Variants in NT5C2 observed in about 807,000 individuals in gnomAD.
NT5C2 encodes the protein 5'-nucleotidase, cytosolic II.
A neutral mutation model predicts 76.1 loss-of-function variants in NT5C2; 58 were observed. The ratio of observed to expected loss-of-function variants is 0.76; its 90% CI spans 0.62 to 0.95. The LOEUF is 0.95. Ranked by LOEUF, NT5C2 falls within the 40% of genes least tolerant of loss-of-function variation. The probability of loss-of-function intolerance (pLI) is 0.00; values close to 1 mark genes in which losing one functional copy is unlikely to be tolerated. For missense variants in NT5C2, 478 were observed against 690.3 expected, an observed-to-expected ratio of 0.69 and a Z score of 3.45; for synonymous variants, 229 against 237.4, an observed-to-expected ratio of 0.96 and a Z score of 0.32.
chr10:103,160,291 A>T (rs1211694259), intron 3 of NT5C2, among the ~76,000 whole-genome samples: 2 of 152,206 alleles, frequency 1.3e-5, no homozygotes, highest in Admixed American at 6.5e-5. Context: ...TGTAAAACTA[A>T]CAGAAGAGAA....
At chr10:103,147,675 T>C (rs950935307) in intron 3 of NT5C2, among the ~76,000 whole-genome samples, 1 of 152,206 alleles carries the variant, frequency 6.6e-6, no homozygotes, top group Non-Finnish European at 1.5e-5. Context: ...CTTTATTGGA[T>C]TATAAACTTT....
chr10:103,089,943 G>A (rs2066265352), intron 18 of NT5C2, 35 bp from the exon 19 acceptor site: 2 of 1,541,240 alleles, frequency 1.3e-6, no homozygotes, highest in Non-Finnish European at 1.8e-6. Flanking sequence ...CAGAAAGCAG[G>A]CAGAGCAAAG....
intron 4 of NT5C2, among the ~76,000 whole-genome samples, chr10:103,129,769 C>T (rs1284542121): frequency 5.1e-5 from 5 of 98,666 alleles, no homozygotes; most frequent in East Asian, 3.4e-4. Context: ...GTCAGCCCCC[C>T]GCCCGGCCAG....
chr10:103,129,320 G>A (rs1206142928), intron 4 of NT5C2, among the ~76,000 whole-genome samples: 10 of 113,262 alleles, frequency 8.8e-5, no homozygotes, highest in Non-Finnish European at 1.2e-4. Flanking sequence ...CCCCCCGCCC[G>A]GCCAGCCGCC....
Position 103,185,649 on chromosome 10 carries a change from CAAAAAAAAAAAAAAGG to C in NT5C2, c.-168-4337_-168-4322del, listed in dbSNP as rs1456108266. ...GGACAACAGACAAAGACCCTGTCTC[CAAAAAAAAAAAAAAGG>C]AAAAAAAAAAAAAAGCAGGTAAAAA... On this transcript the variant is annotated intron_variant, in intron 1 of 18. Transcript: ENST00000404739. 2.0e-4 allele frequency among the ~76,000 whole-genome samples: 14 copies of C among 71,162 alleles called. No homozygotes were observed. In the South Asian group the frequency reaches 6.1e-3, roughly 31 times the overall value. The allele number at this position is 71,162 out of a possible 152,430, so 46.7% of individuals were successfully genotyped here.
At chr10:103,130,120 A>G (rs1223853337) in intron 4 of NT5C2, among the ~76,000 whole-genome samples, 1 of 151,818 alleles carries the variant, frequency 6.6e-6, no homozygotes, top group East Asian at 2.0e-4. Flanking sequence ...AAAGGCAGGA[A>G]AGGTGGGGAA....
At chr10:103,108,410 G>A (rs951677502) in intron 4 of NT5C2, among the ~76,000 whole-genome samples, 18 of 152,046 alleles carry the variant, frequency 1.2e-4, no homozygotes, top group Admixed American at 9.2e-4. Context: ...AGCTTTTGGC[G>A]CAAACTGATT....
chr10:103,166,361 T>C (rs1371864851), intron 3 of NT5C2, among the ~76,000 whole-genome samples: 2 of 152,224 alleles, frequency 1.3e-5, no homozygotes, highest in East Asian at 1.9e-4. Context: ...ATTTCAAGAA[T>C]GTTACAGAAA....
At position 103,089,693 on chromosome 10, in the gene NT5C2, CTCTTCATCATCA is replaced by C. The variant is rs780524664; in HGVS notation, c.1653_1664del (p.Asp551_Glu554del). 6.2e-7 allele frequency: 1 copy of C among 1,607,900 alleles called. No homozygotes were observed. The highest frequency in any genetic ancestry group is 1.3e-5 in the African/African-American group (1 of 74,776). The stretch of plus-strand genomic sequence containing the variant: ...CTCCTTATTCTTCCTCCTCCTCCTC[CTCTTCATCATCA>C]TCTTCGTCATGGCAGTGTGTAATTT... On this transcript the variant is annotated inframe_deletion, in exon 19 of 19. Coordinates refer to ENST00000404739, the MANE Select transcript of NT5C2 (RefSeq NM_001351169.2).
chr10:103,090,121 C>A (rs2066338051), intron 18 of NT5C2: 3 of 445,824 alleles, frequency 6.7e-6, no homozygotes, highest in Non-Finnish European at 1.2e-5. Context: ...TTGTCTACTG[C>A]AGCTGGAAAT....
chr10:103,166,455 G>A (rs370013460), intron 3 of NT5C2, among the ~76,000 whole-genome samples: 2 of 152,164 alleles, frequency 1.3e-5, no homozygotes, highest in African/African-American at 2.4e-5. Context: ...GCTGTTGCAC[G>A]TATCAACAGT....
At chr10:103,163,262 GA>G (rs1309684352) in intron 3 of NT5C2, among the ~76,000 whole-genome samples, 1 of 152,148 alleles carries the variant, frequency 6.6e-6, no homozygotes, top group Non-Finnish European at 1.5e-5. Flanking sequence ...TCCATTGTGT[GA>G]ACCTAAGTTT....
chr10:103,092,096 C>CTGAT (rs2067067645), intron 15 of NT5C2, among the ~76,000 whole-genome samples: 2 of 152,290 alleles, frequency 1.3e-5, no homozygotes, highest in African/African-American at 4.8e-5. Context: ...GAAAATCCCA[C>CTGAT]TGATAGTACA....
At chr10:103,189,826 G>A (rs2092472431) in intron 1 of NT5C2, among the ~76,000 whole-genome samples, 2 of 150,466 alleles carry the variant, frequency 1.3e-5, no homozygotes, top group Admixed American at 1.3e-4. Flanking sequence ...GCGCCATCAC[G>A]CCCAGCTAAT....
Position 103,109,313 on chromosome 10 carries a change from T to C in NT5C2, c.176-2607A>G, listed in dbSNP as rs185113782. 3.6e-3 allele frequency among the ~76,000 whole-genome samples: 551 copies of C among 152,336 alleles called. 8 individuals carry two copies. Among genetic ancestry groups the C allele is most frequent in the Admixed American group, 0.031 (469 of 15,306 alleles). On this transcript the variant is annotated intron_variant, in intron 4 of 18. Transcript: ENST00000404739. The stretch of plus-strand genomic sequence containing the variant: ...AAAAATAAAGTGCTATATACACTAA[T>C]AGAGTAAGAGCTGGTGTATCATAAA...
intron 3 of NT5C2, among the ~76,000 whole-genome samples, chr10:103,173,613 A>AAG (rs2088894898): frequency 7.4e-6 from 1 of 135,886 alleles, no homozygotes; most frequent in African/African-American, 2.7e-5. Flanking sequence ...CGCCGTCTCA[A>AAG]AAAAAAAAAA....
intron 3 of NT5C2, among the ~76,000 whole-genome samples, chr10:103,162,746 G>T (rs1435392469): frequency 1.3e-5 from 2 of 151,844 alleles, no homozygotes; most frequent in Non-Finnish European, 2.9e-5. Flanking sequence ...ATTTGTTCAA[G>T]AACATTTATA....
intron 14 of NT5C2, 114 bp downstream of exon 14, chr10:103,093,858 A>G: frequency 1.3e-6 from 1 of 765,660 alleles, no homozygotes; most frequent in South Asian, 1.6e-5. Flanking sequence ...TACCTTCAGT[A>G]GATGACATCT....
chr10:103,099,893 A>C (rs2069130182), intron 9 of NT5C2, 33 bp downstream of exon 9: 1 of 1,323,150 alleles, frequency 7.6e-7, no homozygotes, highest in Non-Finnish European at 1.1e-6. Flanking sequence ...ACATGCCAGA[A>C]AGCAAGCAGG....
Sources: allele counts gnomAD v4.1 joint callset (sites outside exome capture counted in the v4.1 genomes callset), GRCh38; gene constraint gnomAD v4.1.1; transcripts MANE v1.5; gene names NCBI Gene and HGNC (gene_info 2026-07-23, HGNC 2026-07-21).